Variants in MYO16 observed in about 807,000 individuals in gnomAD.
MYO16 encodes the protein myosin XVI.
A neutral mutation model predicts 205.3 loss-of-function variants in MYO16; 94 were observed. That is an observed-to-expected ratio of 0.46 (90% CI 0.39 to 0.54). MYO16 has a LOEUF of 0.54. Among genes scored for constraint, MYO16 ranks in the 20% least tolerant of loss-of-function variants. The probability of loss-of-function intolerance (pLI) is 0.00; values close to 1 mark genes in which losing one functional copy is unlikely to be tolerated. For missense variants in MYO16, 2,315 were observed against 2,387.5 expected (o/e 0.97, Z 0.63); for synonymous variants, 988 against 954.0 (o/e 1.04, Z -0.66).
chr13:108,972,545 TCA>T (rs1884090692), intron 20 of MYO16, among the ~76,000 whole-genome samples: 1 of 149,880 alleles, frequency 6.7e-6, no homozygotes. Context: ...TCTTTTTGTT[TCA>T]CAGAGTAGCA....
At chr13:108,672,385 A>G (rs915572187) in intron 2 of MYO16, among the ~76,000 whole-genome samples, 3 of 152,198 alleles carry the variant, frequency 2.0e-5, no homozygotes, top group Non-Finnish European at 4.4e-5. Context: ...GTATATTTGT[A>G]TGAAATTTTA....
chr13:108,885,987 C>G (rs1594369910), intron 13 of MYO16, among the ~76,000 whole-genome samples: 1 of 148,538 alleles, frequency 6.7e-6, no homozygotes, highest in South Asian at 2.1e-4. Context: ...TGCTTTGGGT[C>G]TTTTTTTTTT....
intron 3 of MYO16, among the ~76,000 whole-genome samples, chr13:108,719,118 C>G (rs1278814804): frequency 6.6e-6 from 1 of 151,844 alleles, no homozygotes; most frequent in Non-Finnish European, 1.5e-5. Flanking sequence ...TAATAAGGAC[C>G]CCAAATTATT....
At chr13:108,751,150 A>G (rs1480392054) in intron 4 of MYO16, among the ~76,000 whole-genome samples, 1 of 152,176 alleles carries the variant, frequency 6.6e-6, no homozygotes, top group Admixed American at 6.6e-5. Flanking sequence ...AGCCATGAGC[A>G]CACTGACCTC....
At chr13:109,070,704 A>G (rs777519780) in intron 27 of MYO16, among the ~76,000 whole-genome samples, 9 of 152,188 alleles carry the variant, frequency 5.9e-5, no homozygotes, top group Non-Finnish European at 8.8e-5. Flanking sequence ...TGAGGAATAG[A>G]TTAGTACTTC....
chr13:108,844,273 G>A, intron 9 of MYO16, 70 bp from the exon 10 acceptor site: 1 of 1,351,126 alleles, frequency 7.4e-7, no homozygotes, highest in South Asian at 1.5e-5. Context: ...CAACTATCCT[G>A]TATTGGTAAT....
At chr13:109,042,379 A>G (rs1886911086) in intron 23 of MYO16, among the ~76,000 whole-genome samples, 3 of 152,226 alleles carry the variant, frequency 2.0e-5, no homozygotes, top group East Asian at 1.9e-4. Flanking sequence ...CCAGTACTCA[A>G]TCACACAATG....
chr13:108,789,086 G>A (rs1274787099), intron 5 of MYO16, among the ~76,000 whole-genome samples: 2 of 152,072 alleles, frequency 1.3e-5, no homozygotes, highest in Non-Finnish European at 2.9e-5. Context: ...CTTCACTCCT[G>A]CATACGCAGT....
the MYO16 span, among the ~76,000 whole-genome samples, chr13:108,560,108 A>T: frequency 6.6e-6 from 1 of 152,304 alleles, no homozygotes; most frequent in Non-Finnish European, 1.5e-5. Flanking sequence ...ACAAGAATTA[A>T]CCAGAGATTT....
At chr13:108,798,219 A>G (rs1886849136) in intron 6 of MYO16, among the ~76,000 whole-genome samples, 1 of 125,030 alleles carries the variant, frequency 8.0e-6, no homozygotes, top group Non-Finnish European at 1.7e-5. Flanking sequence ...TATTGTGGAG[A>G]TAAGGAGAAG....
chr13:108,964,690 G>A, intron 19 of MYO16, 71 bp from the exon 20 acceptor site: 1 of 1,497,486 alleles, frequency 6.7e-7, no homozygotes, highest in Non-Finnish European at 9.2e-7. Context: ...AATAGGATAT[G>A]TGGAGTTTTG....
chr13:108,884,920 A>T (rs888875052), intron 13 of MYO16, among the ~76,000 whole-genome samples: 1 of 151,888 alleles, frequency 6.6e-6, no homozygotes, highest in African/African-American at 2.4e-5. Context: ...GCACTGAGAC[A>T]GGGGCTCTCA....
intron 34 of MYO16, among the ~76,000 whole-genome samples, chr13:109,192,586 T>C (rs1879969159): frequency 6.6e-6 from 1 of 151,996 alleles, no homozygotes; most frequent in East Asian, 1.9e-4. Flanking sequence ...GGTAGTCATC[T>C]GACTGAAACT....
intron 23 of MYO16, among the ~76,000 whole-genome samples, chr13:109,041,177 C>A (rs1886872784): frequency 6.6e-6 from 1 of 151,990 alleles, no homozygotes; most frequent in Admixed American, 6.5e-5. Flanking sequence ...GTGGCGAAAA[C>A]CACAAAATTC....
chr13:108,787,280 T>G (rs1384563444), intron 5 of MYO16, among the ~76,000 whole-genome samples: 1 of 152,170 alleles, frequency 6.6e-6, no homozygotes, highest in Admixed American at 6.5e-5. Context: ...ACAATAAATA[T>G]GTACAGCTTT....
chr13:108,736,486 C>T (rs944871394), intron 4 of MYO16, among the ~76,000 whole-genome samples: 2 of 151,972 alleles, frequency 1.3e-5, no homozygotes, highest in South Asian at 2.1e-4. Flanking sequence ...GGCCTCTGTT[C>T]GTTCCATTGG....
chr13:108,999,712 C>T (rs1253544546), intron 21 of MYO16, among the ~76,000 whole-genome samples: 1 of 152,106 alleles, frequency 6.6e-6, no homozygotes, highest in East Asian at 1.9e-4. Context: ...AGTAATATCA[C>T]CTCTGAGCTT....
the MYO16 span, among the ~76,000 whole-genome samples, chr13:108,581,880 G>GA: frequency 0.045 from 4,534 of 99,696 alleles, 170 homozygotes; most frequent in African/African-American, 0.14. Flanking sequence ...ACGCTGTCTC[G>GA]AAAAAAAAAA....
At chr13:108,905,849 G>A (rs912418731) in intron 15 of MYO16, among the ~76,000 whole-genome samples, 2 of 152,156 alleles carry the variant, frequency 1.3e-5, no homozygotes, top group African/African-American at 4.8e-5. Flanking sequence ...GCTTTTAACT[G>A]CACCCAGAAT....
Sources: gnomAD v4.1 joint callset for allele counts (sites outside exome capture counted in the v4.1 genomes callset) on GRCh38, gnomAD v4.1.1 for gene constraint, MANE v1.5 for transcripts, NCBI Gene and HGNC (gene_info 2026-07-23, HGNC 2026-07-21) for gene names.